MIPOL1: variants seen among roughly 807,000 people sequenced by gnomAD.
MIPOL1 encodes mirror-image polydactyly 1.
In MIPOL1, 57 loss-of-function variants were observed where a neutral mutation model predicts 60.9. The ratio of observed to expected loss-of-function variants is 0.94; its 90% CI spans 0.76 to 1.17. The LOEUF is 1.17. MIPOL1 is among the 50% of genes most tolerant of loss of function. The pLI is 0.00. For missense variants in MIPOL1, 551 were observed against 511.6 expected (o/e 1.08, Z -0.74); for synonymous variants, 179 against 168.8 (o/e 1.06, Z -0.47).
chr14:37,535,685 A>G (rs1441760538), intron 12 of MIPOL1, among the ~76,000 whole-genome samples: 1 of 152,196 alleles, frequency 6.6e-6, no homozygotes, highest in East Asian at 1.9e-4. Context: ...ATATATATCT[A>G]CAGTAGAAAC....
rs148710200 is a variant in MIPOL1, at chr14:37,249,322, C to A, written c.19+1415C>A. Among the ~76,000 whole-genome samples, 9 of 152,144 alleles carry A rather than the reference C, an allele frequency of 5.9e-5. No individual in the cohort carries two copies. In the East Asian group the frequency reaches 1.5e-3, roughly 26 times the overall value. On this transcript the variant is annotated intron_variant, in intron 3 of 12. Transcript: ENST00000684589. Reference sequence around the variant, plus strand: ...CAGCATAGTCCTGCCACATTTTTATCCTTTTTTGAAGGTTAAAGTCCATTT... The same window carrying A: ...CAGCATAGTCCTGCCACATTTTTATACTTTTTTGAAGGTTAAAGTCCATTT...
At chr14:37,314,405 G>T (rs2087662491) in intron 9 of MIPOL1, among the ~76,000 whole-genome samples, 2 of 152,176 alleles carry the variant, frequency 1.3e-5, no homozygotes, top group Non-Finnish European at 1.5e-5. Flanking sequence ...GTGAGAGGAA[G>T]ACATGAATCC....
chr14:37,333,257 T>G (rs977286430), intron 9 of MIPOL1, among the ~76,000 whole-genome samples: 8 of 152,314 alleles, frequency 5.3e-5, no homozygotes, highest in African/African-American at 1.9e-4. Context: ...AATAAAATAC[T>G]GCTATGCACA....
At chr14:37,421,929 G>A (rs1008386896) in intron 10 of MIPOL1, among the ~76,000 whole-genome samples, 5 of 151,748 alleles carry the variant, frequency 3.3e-5, no homozygotes, top group African/African-American at 1.2e-4. Context: ...TTAATTGTTG[G>A]TGGTGTCCTA....
intron 12 of MIPOL1, among the ~76,000 whole-genome samples, chr14:37,515,249 C>T (rs2095360349): frequency 6.7e-6 from 1 of 149,920 alleles, no homozygotes; most frequent in Non-Finnish European, 1.5e-5. Context: ...CATTCTTGAA[C>T]AACTCAACAG....
chr14:37,325,280 T>C (rs1452849906), intron 9 of MIPOL1, among the ~76,000 whole-genome samples: 1 of 152,158 alleles, frequency 6.6e-6, no homozygotes, highest in East Asian at 1.9e-4. Context: ...CTCGTCTTTT[T>C]GATATGTTGA....
At chr14:37,270,548 C>T (rs768767882) in intron 6 of MIPOL1, 23 bp downstream of exon 6, 6 of 1,312,538 alleles carry the variant, frequency 4.6e-6, no homozygotes, top group South Asian at 2.7e-5. Flanking sequence ...AGTATTAACA[C>T]ATGGCTTGAA....
intron 12 of MIPOL1, among the ~76,000 whole-genome samples, chr14:37,542,362 C>A (rs1015334572): frequency 6.6e-6 from 1 of 150,990 alleles, no homozygotes; most frequent in South Asian, 2.1e-4. Context: ...TTTTTTATTT[C>A]TTCTCTCTCT....
At chr14:37,303,072 T>C (rs2086457390) in intron 7 of MIPOL1, among the ~76,000 whole-genome samples, 1 of 151,980 alleles carries the variant, frequency 6.6e-6, no homozygotes. Flanking sequence ...TCACCAATTT[T>C]ATTCATGAGA....
intron 11 of MIPOL1, among the ~76,000 whole-genome samples, chr14:37,430,512 TAA>T (rs67988090): frequency 1.4e-3 from 206 of 149,474 alleles, no homozygotes; most frequent in South Asian, 2.1e-3. Context: ...TTTTTTTTTT[TAA>T]AAAAAAGTAT....
intron 3 of MIPOL1, among the ~76,000 whole-genome samples, chr14:37,260,085 C>G (rs2082411403): frequency 6.6e-6 from 1 of 151,822 alleles, no homozygotes; most frequent in Non-Finnish European, 1.5e-5. Flanking sequence ...TGTTTGCTCT[C>G]CATATATTCT....
chr14:37,541,829 T>C (rs915912623), intron 12 of MIPOL1, among the ~76,000 whole-genome samples: 2 of 152,224 alleles, frequency 1.3e-5, no homozygotes, highest in African/African-American at 4.8e-5. Context: ...CTACAAGTTA[T>C]GCTTATGATC....
intron 12 of MIPOL1, among the ~76,000 whole-genome samples, chr14:37,500,507 A>G (rs909213912): frequency 3.9e-5 from 6 of 152,178 alleles, no homozygotes; most frequent in Non-Finnish European, 5.9e-5. Context: ...ATCCTGCTTG[A>G]GTTGAGATCA....
chr14:37,404,249 A>C (rs1305784647), intron 10 of MIPOL1, among the ~76,000 whole-genome samples: 1 of 152,146 alleles, frequency 6.6e-6, no homozygotes, highest in Non-Finnish European at 1.5e-5. Context: ...TGTTTACTGC[A>C]ATGAAATAAA....
intron 1 of MIPOL1, among the ~76,000 whole-genome samples, chr14:37,204,143 T>C (rs987160972): frequency 6.6e-6 from 1 of 151,912 alleles, no homozygotes; most frequent in African/African-American, 2.4e-5. Flanking sequence ...ATCCTCTCCC[T>C]GTTGAACATT....
rs561802952 is a variant in MIPOL1, at chr14:37,446,792, G to C, written c.1031+23843G>C. Among the ~76,000 whole-genome samples, 25 of 152,182 alleles carry C rather than the reference G, an allele frequency of 1.6e-4. No individual in the cohort carries two copies. In the East Asian group the frequency reaches 4.6e-3, roughly 28 times the overall value. Reference sequence around the variant, plus strand: ...CTTTGTAGGGACATGGATGAAATTGGAAATCATTATTCTCAGCAAACTATT... The same window carrying C: ...CTTTGTAGGGACATGGATGAAATTGCAAATCATTATTCTCAGCAAACTATT... On this transcript the variant is annotated intron_variant, in intron 11 of 12. Transcript: ENST00000684589.
chr14:37,227,448 A>G (rs1209425548), intron 1 of MIPOL1, among the ~76,000 whole-genome samples: 1 of 152,008 alleles, frequency 6.6e-6, no homozygotes, highest in Non-Finnish European at 1.5e-5. Context: ...CAGAACAGAG[A>G]CACATCCAAG....
chr14:37,265,615 G>T lies in MIPOL1; in HGVS notation c.20-1323G>T, dbSNP rs2082820272. Among the ~76,000 whole-genome samples, 5 of 152,096 alleles carry T rather than the reference G, an allele frequency of 3.3e-5. No homozygotes were observed. In the South Asian group the frequency reaches 1.0e-3, roughly 32 times the overall value. On this transcript the variant is annotated intron_variant, in intron 3 of 12. Transcript: ENST00000684589. The stretch of plus-strand genomic sequence containing the variant: ...GAAAGCCTTCAGAGGATTTAACATT[G>T]ATTTGCTGGAATCATACTTGCCAAA...
intron 11 of MIPOL1, among the ~76,000 whole-genome samples, chr14:37,475,705 T>C (rs965915121): frequency 6.6e-6 from 1 of 152,230 alleles, no homozygotes; most frequent in Non-Finnish European, 1.5e-5. Flanking sequence ...ATTTGGTTGC[T>C]TATGCTACTT....
Sources: gnomAD v4.1 joint callset for allele counts (sites outside exome capture counted in the v4.1 genomes callset) on GRCh38, gnomAD v4.1.1 for gene constraint, MANE v1.5 for transcripts, NCBI Gene and HGNC (gene_info 2026-07-23, HGNC 2026-07-21) for gene names.